The following SDK1 variants were observed in gnomAD, a reference collection of about 807,000 sequenced individuals.
SDK1 encodes protein sidekick-1.
Under a neutral mutation model 245.5 loss-of-function variants are expected in SDK1, and 157 were observed. The ratio of observed to expected loss-of-function variants is 0.64; its 90% CI spans 0.56 to 0.73. SDK1 has a LOEUF of 0.73. SDK1 is among the 30% of genes least tolerant of loss of function. The probability of loss-of-function intolerance (pLI) is 0.00; values close to 1 mark genes in which losing one functional copy is unlikely to be tolerated. For synonymous variants in SDK1, 1,647 were observed against 1,278.5 expected (o/e 1.29, Z -6.15); for missense variants, 3,583 against 3,002.3 (o/e 1.19, Z -4.52).
intron 2 of SDK1, among the ~76,000 whole-genome samples, chr7:3,619,654 T>C (rs1781873339): frequency 6.6e-6 from 1 of 152,208 alleles, no homozygotes; most frequent in South Asian, 2.1e-4. Flanking sequence ...GCAAAAGTCT[T>C]TCCTAGCTGT....
At chr7:3,688,868 G>C (rs570875667) in intron 4 of SDK1, among the ~76,000 whole-genome samples, 1 of 152,212 alleles carries the variant, frequency 6.6e-6, no homozygotes, top group African/African-American at 2.4e-5. Flanking sequence ...GCCTTCCTTA[G>C]AGTTTGCCAT....
chr7:3,716,245 G>T (rs188275599), intron 4 of SDK1, among the ~76,000 whole-genome samples: 93 of 151,934 alleles, frequency 6.1e-4, no homozygotes, highest in Non-Finnish European at 1.2e-3. Context: ...GAAATAATAG[G>T]TGAAAGCTTT....
intron 31 of SDK1, among the ~76,000 whole-genome samples, chr7:4,160,805 C>T (rs1192828243): frequency 6.6e-6 from 1 of 152,078 alleles, no homozygotes; most frequent in Non-Finnish European, 1.5e-5. Flanking sequence ...GAGACCCATC[C>T]CTAAAACAGA....
chr7:3,853,612 A>AGCAC (rs576582515), intron 5 of SDK1, among the ~76,000 whole-genome samples: 11 of 152,086 alleles, frequency 7.2e-5, no homozygotes, highest in Non-Finnish European at 8.8e-5. Flanking sequence ...ATACCAGTTG[A>AGCAC]GCACCCCTAA....
intron 5 of SDK1, among the ~76,000 whole-genome samples, chr7:3,880,517 G>T (rs1781181890): frequency 2.7e-5 from 4 of 150,610 alleles, no homozygotes; most frequent in South Asian, 2.1e-4. Flanking sequence ...CAGATGCGTG[G>T]TGACATTTTA....
chr7:3,597,719 G>C (rs952253962), intron 1 of SDK1, among the ~76,000 whole-genome samples: 1 of 152,112 alleles, frequency 6.6e-6, no homozygotes, highest in Non-Finnish European at 1.5e-5. Context: ...GCAGTGCAAT[G>C]GCCTCCCATA....
At chr7:4,101,048 A>G (rs948065905) in intron 22 of SDK1, among the ~76,000 whole-genome samples, 1 of 152,122 alleles carries the variant, frequency 6.6e-6, no homozygotes, top group Non-Finnish European at 1.5e-5. Context: ...TGCTCTCCGC[A>G]CTGGTTGCCA....
intron 4 of SDK1, chr7:3,643,128 C>A (rs1447945141): frequency 2.6e-5 from 4 of 151,706 alleles, no homozygotes; most frequent in Non-Finnish European, 5.9e-5. Flanking sequence ...AATCCTTTCG[C>A]TAAATCTCAT....
In SDK1 at chr7:3,641,965, A is replaced by C. The variant is rs750706972; in HGVS notation, c.573A>C (p.Gly191=). The stretch of plus-strand genomic sequence containing the variant: ...ACTTCTTTTTCTCTGCAGATATGGG[A>C]AGTTTCATGGATACGGACCAGAGGA... ...RKSEVQVAYM[G]SFMDTDQRKT... Residue 191 remains glycine (G), a synonymous_variant, in exon 4 of 45, where the codon GGA becomes GGC. Coordinates refer to ENST00000404826, the MANE Select transcript of SDK1 (RefSeq NM_152744.4). The C allele has an allele frequency of 1.2e-6, 2 of 1,612,414 alleles. No individual in the cohort carries two copies. The highest frequency in any genetic ancestry group is 1.1e-5 in the South Asian group (1 of 90,550).
chr7:3,519,581 C>G (rs1782866652), intron 1 of SDK1, among the ~76,000 whole-genome samples: 1 of 75,884 alleles, frequency 1.3e-5, no homozygotes, highest in African/African-American at 6.4e-5. Context: ...TCATTGAAAT[C>G]CTGTGAGTAG....
intron 1 of SDK1, among the ~76,000 whole-genome samples, chr7:3,388,506 T>A (rs1781665626): frequency 6.6e-6 from 1 of 151,994 alleles, no homozygotes; most frequent in African/African-American, 2.4e-5. Context: ...GCTCAAGCGA[T>A]CCCCCCATCT....
chr7:4,040,014 G>C (rs569957177), intron 17 of SDK1, among the ~76,000 whole-genome samples: 1 of 152,222 alleles, frequency 6.6e-6, no homozygotes, highest in Non-Finnish European at 1.5e-5. Context: ...AACTGGGTTT[G>C]TCTGTCCCTG....
intron 1 of SDK1, among the ~76,000 whole-genome samples, chr7:3,406,510 T>C (rs1286596647): frequency 2.0e-5 from 3 of 152,198 alleles, no homozygotes; most frequent in African/African-American, 7.2e-5. Context: ...AAATCTTCTC[T>C]CTCTCTCCAA....
intron 17 of SDK1, among the ~76,000 whole-genome samples, chr7:4,048,644 C>T (rs1789205246): frequency 6.6e-6 from 1 of 152,172 alleles, no homozygotes. Context: ...TGAGGCCCTC[C>T]AGCCCTCCCA....
intron 14 of SDK1, 25 bp downstream of exon 14, chr7:3,987,347 C>G: frequency 1.2e-6 from 2 of 1,610,818 alleles, no homozygotes; most frequent in Non-Finnish European, 1.7e-6. Flanking sequence ...GAAACTGTCA[C>G]CATGGACGAT....
intron 1 of SDK1, among the ~76,000 whole-genome samples, chr7:3,517,830 C>G (rs1369112204): frequency 6.6e-6 from 1 of 152,142 alleles, no homozygotes; most frequent in Non-Finnish European, 1.5e-5. Flanking sequence ...CATTTTAATA[C>G]CTCACACTAT....
At chr7:3,851,435 A>G (rs1200763159) in intron 5 of SDK1, among the ~76,000 whole-genome samples, 2 of 152,248 alleles carry the variant, frequency 1.3e-5, no homozygotes, top group African/African-American at 4.8e-5. Context: ...ATATTTTCAT[A>G]AAGATAGAAG....
rs115587170 is a variant in SDK1, at chr7:4,011,755, G to A, written c.2280-340G>A. The stretch of plus-strand genomic sequence containing the variant: ...TGATATGAGAAATATTGAAAGAGCC[G>A]GAGAAAACAGTTTGGGAGGAGTCTG... On this transcript the variant is annotated intron_variant, in intron 15 of 44. Coordinates refer to ENST00000404826, the MANE Select transcript of SDK1 (RefSeq NM_152744.4). Among the ~76,000 whole-genome samples, 580 of 152,186 alleles carry A rather than the reference G, an allele frequency of 3.8e-3. 5 individuals are homozygous for A. Among genetic ancestry groups the A allele is most frequent in the African/African-American group, 0.013 (551 of 41,532 alleles).
intron 5 of SDK1, among the ~76,000 whole-genome samples, chr7:3,884,669 C>T (rs1278193833): frequency 6.6e-5 from 10 of 152,308 alleles, no homozygotes; most frequent in African/African-American, 1.7e-4. Flanking sequence ...GGCAAGTGCA[C>T]GGGCCAGTGT....
Sources: gnomAD v4.1 joint callset for allele counts (sites outside exome capture counted in the v4.1 genomes callset) on GRCh38, gnomAD v4.1.1 for gene constraint, MANE v1.5 for transcripts, NCBI Gene and HGNC (gene_info 2026-07-23, HGNC 2026-07-21) for gene names.